SCIN: variants seen among roughly 807,000 people sequenced by gnomAD.
SCIN encodes the protein scinderin, also known as adseverin.
Under a neutral mutation model 91.8 loss-of-function variants are expected in SCIN, and 91 were observed. The observed-to-expected ratio is 0.99, with a 90% CI of 0.84 to 1.18. The LOEUF is 1.18. SCIN is among the 50% of genes most tolerant of loss of function. The pLI, the probability that SCIN is intolerant of heterozygous loss-of-function variation, is 0.00. For missense variants in SCIN, 1,087 were observed against 863.9 expected (o/e 1.26, Z -3.24); for synonymous variants, 367 against 312.6 (o/e 1.17, Z -1.84).
rs1784191360 is a variant in SCIN at position 12,657,569 on chromosome 7, T to TAC, written c.*4855_*4856insCA. 2 of 25,986 alleles carry TAC rather than the reference T, an allele frequency of 7.7e-5. No homozygotes were observed. The highest frequency in any genetic ancestry group is 3.2e-4 in the African/African-American group (2 of 6,300). 1.6% of individuals were successfully genotyped at this position (25,986 alleles called of 1,614,324 possible). A position where few individuals can be genotyped will look rare whatever the true frequency, so the allele number is the denominator to read the frequency against. The stretch of plus-strand genomic sequence containing the variant: ...ATATATATATATATATATATATATA[T>TAC]ATATTTTTTTTTTTTTTTTTTTTTT... On this transcript the variant is annotated 3_prime_UTR_variant, in exon 16 of 16. Transcript: ENST00000297029.
At chr7:12,591,754 G>A (rs569560244) in intron 3 of SCIN, among the ~76,000 whole-genome samples, 5 of 152,222 alleles carry the variant, frequency 3.3e-5, no homozygotes, top group East Asian at 1.9e-4. Context: ...AAAGGATTTC[G>A]CTTTTGGAGG....
At chr7:12,591,244 A>G (rs1583283587) in intron 3 of SCIN, among the ~76,000 whole-genome samples, 1 of 152,232 alleles carries the variant, frequency 6.6e-6, no homozygotes, top group East Asian at 1.9e-4. Flanking sequence ...GATTTTTTAT[A>G]AAGAGGGCAT....
chr7:12,580,670 C>T (rs747098303), intron 2 of SCIN, among the ~76,000 whole-genome samples: 18 of 152,094 alleles, frequency 1.2e-4, no homozygotes, highest in Admixed American at 2.0e-4. Flanking sequence ...TACTTCTGAC[C>T]CTCCTCTAGC....
intron 3 of SCIN, among the ~76,000 whole-genome samples, chr7:12,584,971 C>A (rs1389538165): frequency 1.3e-5 from 2 of 152,086 alleles, no homozygotes; most frequent in Middle Eastern, 3.2e-3. Context: ...GTAGGAATTC[C>A]TGTGGTGAGT....
intron 3 of SCIN, among the ~76,000 whole-genome samples, chr7:12,603,959 A>G (rs970878834): frequency 3.9e-5 from 6 of 152,058 alleles, no homozygotes; most frequent in Admixed American, 3.9e-4. Context: ...CCAGATAGTG[A>G]TATTACTGGG....
chr7:12,599,440 G>A (rs1782911539), intron 3 of SCIN, among the ~76,000 whole-genome samples: 1 of 151,918 alleles, frequency 6.6e-6, no homozygotes, highest in Non-Finnish European at 1.5e-5. Flanking sequence ...CATTTGGGCT[G>A]GTCCCATATT....
chr7:12,643,380 A>G (rs1392108886), intron 11 of SCIN, among the ~76,000 whole-genome samples: 1 of 152,132 alleles, frequency 6.6e-6, no homozygotes, highest in African/African-American at 2.4e-5. Context: ...CTGTACCCAT[A>G]ATGAGATGTT....
At position 12,644,678 on chromosome 7, in the gene SCIN, C is replaced by G; in HGVS notation, c.1854C>G (p.Gly618=). The stretch of plus-strand genomic sequence containing the variant: ...AAGACCATCCACCTCGGCTTTACGG[C>G]TGCTCTAACAAAACTGGAAGATTTG... The part of the protein sequence containing the change: ...QAEDHPPRLY[G]CSNKTGRFVI... Residue 618 remains glycine, a synonymous_variant, in exon 13 of 16, where the codon GGC becomes GGG. Transcript: ENST00000297029. 6.3e-7 allele frequency: 1 copy of G among 1,579,056 alleles called. No homozygotes were observed. The highest frequency in any genetic ancestry group is 8.6e-7 in the Non-Finnish European group (1 of 1,161,630).
chr7:12,591,043 G>T (rs1467111220), intron 3 of SCIN, among the ~76,000 whole-genome samples: 1 of 152,128 alleles, frequency 6.6e-6, no homozygotes, highest in East Asian at 1.9e-4. Flanking sequence ...GGGGGTAGCT[G>T]GTGGGCCTGG....
chr7:12,635,850 A>G (rs916348592), intron 9 of SCIN, among the ~76,000 whole-genome samples, 195 bp from the exon 10 acceptor site: 2 of 152,092 alleles, frequency 1.3e-5, no homozygotes, highest in African/African-American at 4.8e-5. Flanking sequence ...CCTACCATAT[A>G]CAGTTCTAGA....
intron 4 of SCIN, among the ~76,000 whole-genome samples, chr7:12,611,955 T>C (rs191065915): frequency 7.9e-4 from 120 of 152,196 alleles, no homozygotes; most frequent in African/African-American, 2.7e-3. Flanking sequence ...TTAAGGTTGC[T>C]TTATGGGTTT....
intron 4 of SCIN, among the ~76,000 whole-genome samples, chr7:12,612,934 C>T (rs937288721): frequency 6.6e-6 from 1 of 152,132 alleles, no homozygotes; most frequent in Non-Finnish European, 1.5e-5. Context: ...ATTAATCAGT[C>T]CAAGTTAACA....
At position 12,590,872 on chromosome 7, in the gene SCIN, G is replaced by A. The variant is rs914781749; in HGVS notation, c.516+9651G>A. Among the ~76,000 whole-genome samples the A allele has an allele frequency of 3.9e-5, 6 of 152,112 alleles. No individual in the cohort carries two copies. In the East Asian group the frequency reaches 1.2e-3, roughly 29 times the overall value. On this transcript the variant is annotated intron_variant, in intron 3 of 15. Transcript: ENST00000297029. ...TTTTGCCAGATAGCAGCGTGGGAAC[G>A]AGGAATGTGATAGGCATATTTGGAG...
rs755023239 is a variant in SCIN, at chr7:12,626,726, C to T, written c.1124C>T (p.Ala375Val). 6.2e-7 allele frequency: 1 copy of T among 1,607,986 alleles called. No individual in the cohort carries two copies. The highest frequency in any genetic ancestry group is 8.5e-7 in the Non-Finnish European group (1 of 1,177,158). ...CAAATAAAACAAATTCCCTTTGATG[C>T]CTCAAAATTACACAGTTCTCCGCAG... ...VAQIKQIPFD[A>V]SKLHSSPQMA... is the part of the protein sequence containing the mutation. Residue 375 changes from alanine to valine, a missense_variant, in exon 8 of 16, where the codon GCC becomes GTC. Transcript: ENST00000297029.
chr7:12,648,133 AACCCTTCCATT>A (rs1253114756), intron 13 of SCIN, among the ~76,000 whole-genome samples: 1 of 152,154 alleles, frequency 6.6e-6, no homozygotes, highest in East Asian at 1.9e-4. Flanking sequence ...GGATGAAGCT[AACCCTTCCATT>A]ACCCTTTAAT....
rs1316915407 is a variant in SCIN, at chr7:12,625,096, C to G, written c.846C>G (p.Cys282Trp). 6.2e-7 allele frequency: 1 copy of G among 1,608,250 alleles called. No homozygotes were observed. The change falls in exon 6 of 16, where the codon TGC becomes TGG. Residue 282 changes from cysteine (C) to tryptophan (W), a missense_variant. Transcript: ENST00000297029. ...FSMAMLLSEECFILDHGAAKQ... is the reference protein window; with the variant it reads ...FSMAMLLSEEWFILDHGAAKQ... ...TGGCAATGCTGCTGTCTGAAGAATG[C>G]TTTATTTTGGACCACGGGGCTGCCA...
intron 3 of SCIN, among the ~76,000 whole-genome samples, chr7:12,587,982 G>A (rs1782626067): frequency 6.6e-6 from 1 of 152,176 alleles, no homozygotes; most frequent in South Asian, 2.1e-4. Flanking sequence ...CCAAAAAGCT[G>A]TAGCAAAATC....
At chr7:12,592,472 G>C (rs1228829310) in intron 3 of SCIN, among the ~76,000 whole-genome samples, 1 of 151,986 alleles carries the variant, frequency 6.6e-6, no homozygotes, top group Non-Finnish European at 1.5e-5. Flanking sequence ...GGGAAATTTG[G>C]AAGAGTCTTT....
intron 3 of SCIN, among the ~76,000 whole-genome samples, chr7:12,587,594 CT>C (rs141025730): frequency 0.036 from 5,553 of 152,284 alleles, 370 homozygotes; most frequent in African/African-American, 0.13. Flanking sequence ...CTCAGGAACT[CT>C]GCTTTGTTTT....
Sources: allele counts gnomAD v4.1 joint callset (sites outside exome capture counted in the v4.1 genomes callset), GRCh38; gene constraint gnomAD v4.1.1; transcripts MANE v1.5; gene names NCBI Gene and HGNC (gene_info 2026-07-23, HGNC 2026-07-21).